The following TAFA1 variants were observed in gnomAD, a reference collection of about 807,000 sequenced individuals.
TAFA1 encodes the protein chemokine-like protein TAFA-1.
TAFA1 carries 4 observed loss-of-function variants against 18.5 expected under a neutral mutation model. The ratio of observed to expected loss-of-function variants is 0.22; its 90% CI spans 0.11 to 0.49. TAFA1 has a LOEUF of 0.49. TAFA1 is among the 20% of genes least tolerant of loss of function. The probability of loss-of-function intolerance (pLI) is 0.98; values close to 1 mark genes in which losing one functional copy is unlikely to be tolerated. For missense variants in TAFA1, 147 were observed against 169.0 expected, an observed-to-expected ratio of 0.87 and a Z score of 0.72; for synonymous variants, 56 against 55.2, an observed-to-expected ratio of 1.01 and a Z score of -0.06.
chr3:68,155,180 T>C (rs1307015710), intron 2 of TAFA1, among the ~76,000 whole-genome samples: 8 of 152,162 alleles, frequency 5.3e-5, no homozygotes, highest in Admixed American at 3.9e-4. Flanking sequence ...GTGGCATTCA[T>C]GACAAGGACC....
At chr3:68,509,643 C>A (rs2072816425) in intron 3 of TAFA1, among the ~76,000 whole-genome samples, 1 of 152,024 alleles carries the variant, frequency 6.6e-6, no homozygotes, top group Non-Finnish European at 1.5e-5. Context: ...ATTTTTAAAA[C>A]CCAAAGCCTC....
At chr3:68,482,910 G>A (rs559426881) in intron 3 of TAFA1, among the ~76,000 whole-genome samples, 35 of 152,294 alleles carry the variant, frequency 2.3e-4, no homozygotes, top group African/African-American at 7.5e-4. Context: ...TCTGGTCCTG[G>A]AAGTGCCTAA....
intron 2 of TAFA1, among the ~76,000 whole-genome samples, chr3:68,071,051 A>G (rs1234660581): frequency 6.6e-6 from 1 of 151,990 alleles, no homozygotes; most frequent in Non-Finnish European, 1.5e-5. Context: ...TCACTTCCAC[A>G]TTTTCAGGTA....
intron 2 of TAFA1, among the ~76,000 whole-genome samples, chr3:68,015,682 T>A (rs1704556654): frequency 6.6e-6 from 1 of 152,174 alleles, no homozygotes; most frequent in Non-Finnish European, 1.5e-5. Flanking sequence ...TATGTAAAAC[T>A]CTTAATTTAA....
chr3:68,488,645 G>A (rs939112688), intron 3 of TAFA1, among the ~76,000 whole-genome samples: 2 of 152,074 alleles, frequency 1.3e-5, no homozygotes, highest in African/African-American at 2.4e-5. Flanking sequence ...TCTGCATAAT[G>A]GCAATAAGAT....
chr3:68,276,610 AT>A (rs1158070174), intron 2 of TAFA1, among the ~76,000 whole-genome samples: 3 of 152,138 alleles, frequency 2.0e-5, no homozygotes, highest in African/African-American at 7.2e-5. Flanking sequence ...GTTGCTTAAT[AT>A]TTTATTGTTT....
intron 2 of TAFA1, among the ~76,000 whole-genome samples, chr3:68,216,147 G>A (rs1181914172): frequency 6.6e-6 from 1 of 152,016 alleles, no homozygotes; most frequent in Admixed American, 6.6e-5. Flanking sequence ...GTGGTTGCCA[G>A]AAGTTCAGGA....
intron 2 of TAFA1, among the ~76,000 whole-genome samples, chr3:68,136,590 G>A (rs1054532480): frequency 1.3e-5 from 2 of 152,120 alleles, no homozygotes; most frequent in African/African-American, 4.8e-5. Flanking sequence ...CCCTTCACAG[G>A]GCGCATTCGT....
At chr3:68,205,746 C>T (rs2066519434) in intron 2 of TAFA1, among the ~76,000 whole-genome samples, 1 of 151,706 alleles carries the variant, frequency 6.6e-6, no homozygotes, top group South Asian at 2.1e-4. Flanking sequence ...TGTCATTCAC[C>T]TAAGGATGGA....
intron 2 of TAFA1, among the ~76,000 whole-genome samples, chr3:68,255,522 G>A (rs2067280491): frequency 6.6e-6 from 1 of 152,060 alleles, no homozygotes; most frequent in African/African-American, 2.4e-5. Context: ...TATTGTGAAG[G>A]GACCTATATA....
At chr3:68,338,990 A>G (rs1301065967) in intron 2 of TAFA1, among the ~76,000 whole-genome samples, 2 of 152,222 alleles carry the variant, frequency 1.3e-5, no homozygotes, top group African/African-American at 4.8e-5. Context: ...GTCAATAACA[A>G]GAAGACAAGA....
intron 4 of TAFA1, among the ~76,000 whole-genome samples, chr3:68,539,886 A>G (rs1180435937): frequency 6.6e-6 from 1 of 151,986 alleles, no homozygotes; most frequent in Non-Finnish European, 1.5e-5. Context: ...CAGTCTCCCA[A>G]AATGCTGGGA....
chr3:68,014,926 C>G (rs1449410948), intron 2 of TAFA1, among the ~76,000 whole-genome samples: 2 of 152,140 alleles, frequency 1.3e-5, no homozygotes, highest in Admixed American at 6.5e-5. Flanking sequence ...ACTGATGGCT[C>G]TATCCTACCT....
intron 2 of TAFA1, among the ~76,000 whole-genome samples, chr3:68,237,661 C>G (rs545658906): frequency 6.6e-6 from 1 of 152,260 alleles, no homozygotes; most frequent in Non-Finnish European, 1.5e-5. Flanking sequence ...TACCTATACA[C>G]TTTTTGCCTT....
At chr3:68,327,877 G>T (rs185426809) in intron 2 of TAFA1, among the ~76,000 whole-genome samples, 1 of 152,246 alleles carries the variant, frequency 6.6e-6, no homozygotes, top group East Asian at 1.9e-4. Context: ...AAAAAGATAT[G>T]GACCCAGGTG....
rs563087178 is a variant in TAFA1 at position 68,323,134 on chromosome 3, AT to A, written c.119-94145del. ...CATAAAATGCTAATGTGATTTTGCC[AT>A]ATATCATCTTACCTCAAACACTGGC... On this transcript the variant is annotated intron_variant, in intron 2 of 4. Coordinates refer to ENST00000478136, the MANE Select transcript of TAFA1 (RefSeq NM_213609.4). Among the ~76,000 whole-genome samples, 469 of 152,294 alleles carry A rather than the reference AT, an allele frequency of 3.1e-3. 3 individuals are homozygous for A. The highest frequency in any genetic ancestry group is 6.8e-3 in the Middle Eastern group (2 of 294).
intron 2 of TAFA1, among the ~76,000 whole-genome samples, chr3:68,033,718 T>C (rs1388584153): frequency 6.6e-6 from 1 of 152,224 alleles, no homozygotes; most frequent in Non-Finnish European, 1.5e-5. Flanking sequence ...CAGTATTTCT[T>C]CTTTTCTGTA....
At chr3:68,192,454 C>T (rs1001345211) in intron 2 of TAFA1, 9 of 201,358 alleles carry the variant, frequency 4.5e-5, no homozygotes, top group South Asian at 1.1e-4. Context: ...ATGGGAATAC[C>T]GCAAGTTGCT....
chr3:68,285,146 C>T lies in TAFA1; in HGVS notation c.119-132134C>T, dbSNP rs569137650. ...AACATCATGGATGAAACTCAAAACA[C>T]TATATTGAGTGAAAGAAGCAAGGCA... On this transcript the variant is annotated intron_variant, in intron 2 of 4. Coordinates refer to ENST00000478136, the MANE Select transcript of TAFA1 (RefSeq NM_213609.4). Among the ~76,000 whole-genome samples, 17 of 152,180 alleles carry T rather than the reference C, an allele frequency of 1.1e-4. No individual in the cohort carries two copies. In the South Asian group the frequency reaches 2.9e-3, roughly 26 times the overall value.
Sources: allele counts gnomAD v4.1 joint callset (sites outside exome capture counted in the v4.1 genomes callset), GRCh38; gene constraint gnomAD v4.1.1; transcripts MANE v1.5; gene names NCBI Gene and HGNC (gene_info 2026-07-23, HGNC 2026-07-21).